COL24A1: variants seen among roughly 807,000 people sequenced by gnomAD.
COL24A1 encodes the protein collagen alpha-1(XXIV) chain.
In COL24A1, 224 loss-of-function variants were observed where a neutral mutation model predicts 253.9. The ratio of observed to expected loss-of-function variants is 0.88; its 90% CI spans 0.79 to 0.99. The LOEUF (loss-of-function observed/expected upper bound fraction) is 0.99. Among genes scored for constraint, COL24A1 ranks in the 50% least tolerant of loss-of-function variants. The pLI is 0.00. For missense variants in COL24A1, 2,131 were observed against 2,068.5 expected (o/e 1.03, Z -0.59); for synonymous variants, 685 against 673.7 (o/e 1.02, Z -0.26).
chr1:85,791,302 A>AT (rs1354830091), intron 47 of COL24A1, among the ~76,000 whole-genome samples: 1 of 152,120 alleles, frequency 6.6e-6, no homozygotes, highest in Non-Finnish European at 1.5e-5. Context: ...AATTGTATAA[A>AT]TAGTCTGTGG....
intron 37 of COL24A1, among the ~76,000 whole-genome samples, chr1:85,865,211 T>A (rs1383528121): frequency 6.6e-6 from 1 of 152,132 alleles, no homozygotes; most frequent in East Asian, 1.9e-4. Context: ...ATTTATTTTG[T>A]AGGAATCCAA....
chr1:85,781,494 A>G (rs980542234), intron 51 of COL24A1, among the ~76,000 whole-genome samples: 2 of 152,176 alleles, frequency 1.3e-5, no homozygotes, highest in African/African-American at 4.8e-5. Flanking sequence ...TTGCATCTGT[A>G]TAATTTCTAA....
chr1:85,830,246 G>C (rs1349038338), intron 43 of COL24A1, among the ~76,000 whole-genome samples: 3 of 151,274 alleles, frequency 2.0e-5, no homozygotes, highest in African/African-American at 7.3e-5. Flanking sequence ...GGGGTCAGGG[G>C]TCAGGGACCC....
At chr1:85,924,246 G>C (rs941567778) in intron 24 of COL24A1, among the ~76,000 whole-genome samples, 46 of 152,164 alleles carry the variant, frequency 3.0e-4, no homozygotes, top group African/African-American at 9.9e-4. Flanking sequence ...GAGGTACAAA[G>C]AGGAGCTGAT....
At chr1:85,927,170 C>T (rs1022114585) in intron 24 of COL24A1, among the ~76,000 whole-genome samples, 5 of 152,170 alleles carry the variant, frequency 3.3e-5, no homozygotes, top group East Asian at 1.9e-4. Flanking sequence ...TCTGAGGTAC[C>T]GGGTTCATCT....
At position 86,050,178 on chromosome 1, in the gene COL24A1, CT is replaced by C; in HGVS notation, c.1852-2del. 5 of 1,613,008 alleles carry C rather than the reference CT, an allele frequency of 3.1e-6. No individual in the cohort carries two copies. The highest frequency in any genetic ancestry group is 4.2e-6 in the Non-Finnish European group (5 of 1,179,174). On this transcript the variant is annotated splice_acceptor_variant, in intron 10 of 59. Transcript: ENST00000370571. LOFTEE classifies it high-confidence loss of function. ...CTTCTCCAGGAGAGCCAATAAAACC[CT>C]TAAAACAAGAAAATAGTCTGTATAT...
rs1268908416 is a variant in COL24A1 at position 85,729,273 on chromosome 1, G to T, written c.*1273C>A. ...TTTTATTATAGATAGGTTAAGTGTGGTTTGCTGTGGCTAAAGATATATTTA... is the reference window on the plus strand; with the variant it reads ...TTTTATTATAGATAGGTTAAGTGTGTTTTGCTGTGGCTAAAGATATATTTA... On this transcript the variant is annotated 3_prime_UTR_variant, in exon 60 of 60. Transcript: ENST00000370571. The T allele has an allele frequency of 6.6e-6, 1 of 152,124 alleles. No individual in the cohort carries two copies. The highest frequency in any genetic ancestry group is 1.5e-5 in the Non-Finnish European group (1 of 68,014). The allele number at this position is 152,124 out of a possible 1,614,324, so 9.4% of individuals were successfully genotyped here.
intron 53 of COL24A1, among the ~76,000 whole-genome samples, chr1:85,770,832 A>G (rs1334430116): frequency 1.3e-5 from 2 of 152,188 alleles, no homozygotes; most frequent in African/African-American, 2.4e-5. Context: ...CCATCCTCTC[A>G]TCATTGTCTC....
chr1:85,882,217 C>T (rs910470620), intron 32 of COL24A1, among the ~76,000 whole-genome samples: 7 of 152,138 alleles, frequency 4.6e-5, no homozygotes, highest in African/African-American at 2.4e-5. Flanking sequence ...GTGGCTCACG[C>T]TTGTAATCCC....
At chr1:85,862,746 G>C (rs1440490428) in intron 37 of COL24A1, among the ~76,000 whole-genome samples, 1 of 152,140 alleles carries the variant, frequency 6.6e-6, no homozygotes, top group East Asian at 1.9e-4. Context: ...AGATGATAAA[G>C]AGTTAGATAA....
intron 4 of COL24A1, 149 bp downstream of exon 4, chr1:86,115,176 T>G (rs1706016643): frequency 1.5e-6 from 1 of 673,858 alleles, no homozygotes; most frequent in South Asian, 2.1e-5. Flanking sequence ...CATGTGTTCT[T>G]AAGCTTCTCT....
chr1:85,873,072 A>T (rs978503642), intron 35 of COL24A1, among the ~76,000 whole-genome samples: 148 of 152,332 alleles, frequency 9.7e-4, no homozygotes, highest in African/African-American at 3.3e-3. Context: ...CAGCCAACAG[A>T]CACATGAAAA....
At chr1:85,731,216 A>T (rs1289433134) in intron 59 of COL24A1, among the ~76,000 whole-genome samples, 1 of 152,058 alleles carries the variant, frequency 6.6e-6, no homozygotes, top group African/African-American at 2.4e-5. Flanking sequence ...CTCTATTTAT[A>T]CAGTTTCCCT....
chr1:86,107,781 C>T (rs1196606648), intron 5 of COL24A1, among the ~76,000 whole-genome samples: 1 of 151,992 alleles, frequency 6.6e-6, no homozygotes, highest in African/African-American at 2.4e-5. Context: ...GTGATCTACC[C>T]GCCTCGGCCT....
chr1:85,837,273 G>T (rs979601718), intron 43 of COL24A1, among the ~76,000 whole-genome samples: 2 of 152,102 alleles, frequency 1.3e-5, no homozygotes, highest in Non-Finnish European at 2.9e-5. Flanking sequence ...AAAAAAAATG[G>T]TAATCGCAAC....
At chr1:85,812,526 G>A (rs78975538) in intron 47 of COL24A1, among the ~76,000 whole-genome samples, 1,713 of 152,198 alleles carry the variant, frequency 0.011, 32 homozygotes, top group African/African-American at 0.04. Flanking sequence ...CTTGAGATAC[G>A]GATCTACATT....
At chr1:86,138,260 G>A (rs952794098) in intron 2 of COL24A1, among the ~76,000 whole-genome samples, 1 of 152,138 alleles carries the variant, frequency 6.6e-6, no homozygotes, top group African/African-American at 2.4e-5. Context: ...TGAGTATAAC[G>A]AATTTTGGTA....
chr1:85,737,245 A>G (rs1474210699), intron 58 of COL24A1, 151 bp downstream of exon 58: 9 of 502,662 alleles, frequency 1.8e-5, no homozygotes, highest in Admixed American at 1.6e-4. Context: ...AGTTTTAAAA[A>G]ATAACATATT....
chr1:85,775,551 T>G, intron 53 of COL24A1, 123 bp downstream of exon 53: 1 of 796,034 alleles, frequency 1.3e-6, no homozygotes, highest in Admixed American at 2.9e-5. Flanking sequence ...ACAACTGCAA[T>G]TTTATTTTTA....
Sources: allele counts gnomAD v4.1 joint callset (sites outside exome capture counted in the v4.1 genomes callset), GRCh38; gene constraint gnomAD v4.1.1; transcripts MANE v1.5; gene names NCBI Gene and HGNC (gene_info 2026-07-23, HGNC 2026-07-21).